Variants in TM4SF20 observed in about 807,000 individuals in gnomAD.
TM4SF20 encodes the protein transmembrane 4 L6 family member 20.
Under a neutral mutation model 15.1 loss-of-function variants are expected in TM4SF20, and 13 were observed. That is an observed-to-expected ratio of 0.86 (90% CI 0.56 to 1.36). The LOEUF (loss-of-function observed/expected upper bound fraction) is 1.36. TM4SF20 is among the 40% of genes most tolerant of loss of function. TM4SF20 has a pLI of 0.00. For synonymous variants in TM4SF20, 92 were observed against 96.6 expected, an observed-to-expected ratio of 0.95 and a Z score of 0.28; for missense variants, 282 against 268.4, an observed-to-expected ratio of 1.05 and a Z score of -0.35.
chr2:227,370,376 TGAGG>T (rs1362147767), intron 2 of TM4SF20, among the ~76,000 whole-genome samples: 2 of 149,312 alleles, frequency 1.3e-5, no homozygotes, highest in Non-Finnish European at 3.0e-5. Flanking sequence ...CACGGAAGAC[TGAGG>T]AAGGGACAGA....
rs2076377307 is a variant in TM4SF20, at chr2:227,363,960, CACA to C, written c.451_453del (p.Cys151del). On this transcript the variant is annotated inframe_deletion, in exon 4 of 4. Transcript: ENST00000304568. ...GGTTTATTGAAACCAGTAGGAGGTGCACAAGAGTCATTGAAAAACCACTGCAAG... is the reference window on the plus strand; with the variant it reads ...GGTTTATTGAAACCAGTAGGAGGTGCAGAGTCATTGAAAAACCACTGCAAG... 2 of 1,613,754 alleles carry C rather than the reference CACA, an allele frequency of 1.2e-6. No homozygotes were observed. Among genetic ancestry groups the C allele is most frequent in the African/African-American group, 2.7e-5 (2 of 74,872 alleles).
intron 3 of TM4SF20, 106 bp downstream of exon 3, chr2:227,365,987 G>A: frequency 8.6e-7 from 1 of 1,166,538 alleles, no homozygotes; most frequent in Non-Finnish European, 1.2e-6. Context: ...GTTTGTCCCG[G>A]CAGTTGCATC....
chr2:227,366,172 C>G lies in TM4SF20; in HGVS notation c.322G>C (p.Ala108Pro). 8 of 1,613,926 alleles carry G rather than the reference C, an allele frequency of 5.0e-6. No individual in the cohort carries two copies. The highest frequency in any genetic ancestry group is 1.7e-5 in the Admixed American group (1 of 60,002). The change falls in exon 3 of 4, where the codon GCT becomes CCT. Residue 108 changes from alanine to proline, a missense_variant. By Grantham distance (27) the Ala-to-Pro change is conservative. Transcript: ENST00000304568. ...CACATGAGAGGACCTTTTAAGAGAG[C>G]CTGGATGGATATCAGCATGCAATAC... ...ALYCMLISIQ[A>P]LLKGPLMCNS...
chr2:227,364,842 A>C lies in TM4SF20; in HGVS notation c.402-830T>G, dbSNP rs551025716. On this transcript the variant is annotated intron_variant, in intron 3 of 3. Coordinates refer to ENST00000304568, the MANE Select transcript of TM4SF20 (RefSeq NM_024795.4). ...TGTGGGCTGTTGTCATTCCCTGGGG[A>C]TTTAATGTGCATAGCATCTGTGGTA... 3.3e-5 allele frequency among the ~76,000 whole-genome samples: 5 copies of C among 152,218 alleles called. No individual in the cohort carries two copies. In the South Asian group the frequency reaches 1.0e-3, roughly 32 times the overall value.
At position 227,366,141 on chromosome 2, in the gene TM4SF20, G is replaced by C; in HGVS notation, c.353C>G (p.Ser118Cys). ...ALLKGPLMCNSPSNSNANCEF... is the reference protein window; with the variant it reads ...ALLKGPLMCNCPSNSNANCEF... ...ACAATTGGCATTACTGTTGCTTGGAGAATTACACATGAGAGGACCTTTTAA... is the reference window on the plus strand; with the variant it reads ...ACAATTGGCATTACTGTTGCTTGGACAATTACACATGAGAGGACCTTTTAA... The change falls in exon 3 of 4, where the codon TCT becomes TGT. Residue 118 changes from serine (S) to cysteine (C), a missense_variant. Ser to Cys is a moderately radical substitution (Grantham distance 112, BLOSUM62 -1). Coordinates refer to ENST00000304568, the MANE Select transcript of TM4SF20 (RefSeq NM_024795.4). 6.2e-7 allele frequency: 1 copy of C among 1,613,894 alleles called. No individual in the cohort carries two copies. The highest frequency in any genetic ancestry group is 8.5e-7 in the Non-Finnish European group (1 of 1,179,938).
At chr2:227,374,352 A>G (rs2076436038) in intron 1 of TM4SF20, among the ~76,000 whole-genome samples, 1 of 152,088 alleles carries the variant, frequency 6.6e-6, no homozygotes, top group African/African-American at 2.4e-5. Flanking sequence ...TGATTTGACA[A>G]CTCGCTGCGG....
At chr2:227,379,418 A>G, upstream of TM4SF20, 1 of 560,278 alleles carries the variant, frequency 1.8e-6, no homozygotes, top group African/African-American at 1.9e-5. Flanking sequence ...GGACATTATT[A>G]TGATGACTAT....
chr2:227,377,430 T>C (rs1392072661), intron 1 of TM4SF20, among the ~76,000 whole-genome samples: 3 of 152,200 alleles, frequency 2.0e-5, no homozygotes, highest in African/African-American at 7.2e-5. Flanking sequence ...TTCATGGCAG[T>C]GTGAAGAAAT....
At chr2:227,380,067 G>A (rs1027001262), upstream of TM4SF20, among the ~76,000 whole-genome samples, 13 of 152,206 alleles carry the variant, frequency 8.5e-5, no homozygotes, top group Admixed American at 2.6e-4. Context: ...GGTGGCTCAC[G>A]CCTGTAATCT....
In TM4SF20 at chr2:227,370,992, A is replaced by C. The variant is rs746843855; in HGVS notation, c.184-12T>G. 1 of 1,611,988 alleles carries C rather than the reference A, an allele frequency of 6.2e-7. No homozygotes were observed. The highest frequency in any genetic ancestry group is 8.5e-7 in the Non-Finnish European group (1 of 1,178,058). ...GTTGCTGGAATGGCCTGGAAATGAC[A>C]TCAACAGGAAAGATGAGTATTATAA... is the stretch of plus-strand genomic sequence containing the variant. On this transcript the variant is annotated splice_polypyrimidine_tract_variant and intron_variant, in intron 1 of 3. Transcript: ENST00000304568.
chr2:227,372,700 T>TTTTTG (rs1196260133), intron 1 of TM4SF20, among the ~76,000 whole-genome samples: 2 of 151,862 alleles, frequency 1.3e-5, no homozygotes, highest in South Asian at 2.1e-4. Flanking sequence ...CCCACATAGT[T>TTTTTG]TTTTGTTTTG....
At chr2:227,379,058 C>T in intron 1 of TM4SF20, 28 bp downstream of exon 1, 2 of 1,606,926 alleles carry the variant, frequency 1.2e-6, no homozygotes, top group South Asian at 1.1e-5. Context: ...GGCCCTTCTT[C>T]ACATCAAGTC....
In TM4SF20 at chr2:227,370,998, A is replaced by G. The variant is rs1560005378; in HGVS notation, c.184-18T>C. On this transcript the variant is annotated intron_variant, in intron 1 of 3. Coordinates refer to ENST00000304568, the MANE Select transcript of TM4SF20 (RefSeq NM_024795.4). ...GGAATGGCCTGGAAATGACATCAAC[A>G]GGAAAGATGAGTATTATAACTTCTC... The G allele has an allele frequency of 1.9e-6, 3 of 1,605,388 alleles. No homozygotes were observed. Among genetic ancestry groups the G allele is most frequent in the Non-Finnish European group, 2.6e-6 (3 of 1,172,116 alleles).
chr2:227,373,785 C>A (rs995588940), intron 1 of TM4SF20, among the ~76,000 whole-genome samples: 1 of 151,902 alleles, frequency 6.6e-6, no homozygotes. Flanking sequence ...AAAAATTAGC[C>A]GGGCTTGGTG....
At chr2:227,376,595 C>G (rs1378166843) in intron 1 of TM4SF20, among the ~76,000 whole-genome samples, 1 of 152,194 alleles carries the variant, frequency 6.6e-6, no homozygotes. Context: ...ATAATACTTA[C>G]TGAGGGTGAT....
chr2:227,375,209 A>G (rs904330849), intron 1 of TM4SF20, among the ~76,000 whole-genome samples: 2 of 151,840 alleles, frequency 1.3e-5, no homozygotes, highest in Non-Finnish European at 2.9e-5. Flanking sequence ...TTACAGGCAT[A>G]AGCCACCATA....
upstream of TM4SF20, among the ~76,000 whole-genome samples, chr2:227,381,184 G>A (rs1201321665): frequency 6.6e-5 from 10 of 152,038 alleles, no homozygotes. Context: ...GACTGAGGCA[G>A]GAGAATCACT....
At position 227,363,440 on chromosome 2, in the gene TM4SF20, A is replaced by C; in HGVS notation, c.*284T>G. The stretch of plus-strand genomic sequence containing the variant: ...CAAAAAAAAAAAAAAAAAGTCCTGT[A>C]CTTTTATTTTCAGGATGACTTCCGT... On this transcript the variant is annotated 3_prime_UTR_variant, in exon 4 of 4. Transcript: ENST00000304568. 1 of 222,540 alleles carries C rather than the reference A, an allele frequency of 4.5e-6. No homozygotes were observed. Among genetic ancestry groups the C allele is most frequent in the Non-Finnish European group, 8.7e-6 (1 of 115,286 alleles). 13.8% of individuals were successfully genotyped at this position (222,540 alleles called of 1,614,324 possible).
rs1210091113 is a variant in TM4SF20 at position 227,362,405 on chromosome 2, A to G, written c.*1319T>C. ...TGCTTTTGGTTGAAGTAATTTTAAA[A>G]CATATAAATATGCATTTCTTTTTTT... is the stretch of plus-strand genomic sequence containing the variant. On this transcript the variant is annotated 3_prime_UTR_variant, in exon 4 of 4. Coordinates refer to ENST00000304568, the MANE Select transcript of TM4SF20 (RefSeq NM_024795.4). The G allele has an allele frequency of 6.6e-6, 1 of 152,208 alleles. No homozygotes were observed. The highest frequency in any genetic ancestry group is 1.5e-5 in the Non-Finnish European group (1 of 68,042). The allele number at this position is 152,208 out of a possible 1,614,324, so 9.4% of individuals were successfully genotyped here.
Sources: allele counts gnomAD v4.1 joint callset (sites outside exome capture counted in the v4.1 genomes callset), GRCh38; gene constraint gnomAD v4.1.1; transcripts MANE v1.5; gene names NCBI Gene and HGNC (gene_info 2026-07-23, HGNC 2026-07-21).